Variants in ATF7 observed in about 807,000 individuals in gnomAD.
ATF7 encodes the protein activating transcription factor 7.
Under a neutral mutation model 50.4 loss-of-function variants are expected in ATF7, and 10 were observed. The ratio of observed to expected loss-of-function variants is 0.20; its 90% CI spans 0.12 to 0.34. ATF7 has a LOEUF of 0.34. ATF7 is among the 10% of genes least tolerant of loss of function. The pLI is 1.00. For synonymous variants in ATF7, 201 were observed against 226.4 expected (o/e 0.89, Z 1.01); for missense variants, 465 against 613.9 (o/e 0.76, Z 2.56).
chr12:53,524,995 G>A lies in ATF7; in HGVS notation c.928-234C>T, dbSNP rs144618398. On this transcript the variant is annotated intron_variant, in intron 9 of 11. Coordinates refer to ENST00000420353, the MANE Select transcript of ATF7 (RefSeq NM_006856.3). This position sits in a 1 kb window ranked among gnomAD's most constrained non-coding sequence, Gnocchi z 4.6. The stretch of plus-strand genomic sequence containing the variant: ...TACTTAGACAAACTACAGTTCATTT[G>A]GAAACTCTGATTATTTATAAGACAG... The A allele has an allele frequency of 2.9e-5, 13 of 450,450 alleles. No homozygotes were observed. The highest frequency in any genetic ancestry group is 5.1e-5 in the Non-Finnish European group (13 of 255,984). 27.9% of individuals were successfully genotyped at this position (450,450 alleles called of 1,614,324 possible).
At chr12:53,576,639 G>T (rs965647702) in intron 2 of ATF7, among the ~76,000 whole-genome samples, 6 of 152,100 alleles carry the variant, frequency 3.9e-5, no homozygotes, top group Non-Finnish European at 8.8e-5. Context: ...AAATCTGCTG[G>T]CACCTTGATC....
chr12:53,590,446 C>T (rs1332028975), intron 2 of ATF7, among the ~76,000 whole-genome samples: 3 of 152,158 alleles, frequency 2.0e-5, no homozygotes, highest in African/African-American at 7.2e-5. Flanking sequence ...ACTTTATTGT[C>T]CTCAACCTAA....
chr12:53,540,764 A>C (rs1939504455), intron 4 of ATF7, among the ~76,000 whole-genome samples: 1 of 151,814 alleles, frequency 6.6e-6, no homozygotes, highest in African/African-American at 2.4e-5. Flanking sequence ...AAATAAAATA[A>C]ATAAAGACAG....
chr12:53,603,724 T>TAAAA (rs966226042), intron 1 of ATF7, among the ~76,000 whole-genome samples: 1 of 145,080 alleles, frequency 6.9e-6, no homozygotes. Context: ...GTCTCCCCAT[T>TAAAA]AAAAAAAAAA....
At chr12:53,563,690 C>A (rs1447413651) in intron 2 of ATF7, among the ~76,000 whole-genome samples, 1 of 152,242 alleles carries the variant, frequency 6.6e-6, no homozygotes, top group Non-Finnish European at 1.5e-5. Context: ...TCACCTGCCC[C>A]ACCTCTGGGC....
intron 2 of ATF7, chr12:53,600,642 A>G (rs1408569456): frequency 1.4e-5 from 3 of 216,044 alleles, no homozygotes; most frequent in African/African-American, 2.3e-5. Flanking sequence ...TGAAGAGAAA[A>G]CATTTCTAAA....
intron 3 of ATF7, among the ~76,000 whole-genome samples, chr12:53,549,804 T>C (rs914327261): frequency 6.6e-6 from 1 of 152,082 alleles, no homozygotes; most frequent in Admixed American, 6.6e-5. Context: ...CAGGCTTGTC[T>C]CGAACTCCTG....
chr12:53,554,120 G>A (rs908637216), intron 2 of ATF7, among the ~76,000 whole-genome samples: 1 of 130,002 alleles, frequency 7.7e-6, no homozygotes, highest in Non-Finnish European at 1.6e-5. Context: ...ATACAAAAAT[G>A]TTTTATTTTT....
chr12:53,512,048 C>T (rs537288850), downstream of ATF7: 2 of 152,228 alleles, frequency 1.3e-5, no homozygotes, highest in Non-Finnish European at 2.9e-5. Flanking sequence ...AAGCATCAGA[C>T]ATAACAGTGG....
At chr12:53,545,832 A>AT (rs1419218179) in intron 3 of ATF7, among the ~76,000 whole-genome samples, 2 of 152,006 alleles carry the variant, frequency 1.3e-5, no homozygotes, top group African/African-American at 4.8e-5. Context: ...AGGCAGGCGG[A>AT]TCCCCCCTTG....
chr12:53,554,875 A>AAG (rs1270911719), intron 2 of ATF7, among the ~76,000 whole-genome samples: 7 of 149,724 alleles, frequency 4.7e-5, no homozygotes, highest in East Asian at 1.9e-4. Context: ...AAAAAGAAAA[A>AAG]AAAAAAAAAA....
intron 3 of ATF7, 43 bp from the exon 4 acceptor site, chr12:53,543,491 G>A: frequency 1.3e-6 from 2 of 1,485,860 alleles, no homozygotes; most frequent in Non-Finnish European, 1.8e-6. Flanking sequence ...GTTTTGATCT[G>A]AAATTAAAAC....
chr12:53,534,428 C>G (rs1365582242), intron 6 of ATF7, 74 bp downstream of exon 6: 23 of 1,589,990 alleles, frequency 1.4e-5, no homozygotes, highest in South Asian at 3.3e-5. Context: ...AAAACAGTCC[C>G]AGTTTTATCA....
intron 2 of ATF7, among the ~76,000 whole-genome samples, chr12:53,585,459 C>T (rs1942634917): frequency 6.6e-6 from 1 of 151,916 alleles, no homozygotes; most frequent in Non-Finnish European, 1.5e-5. Flanking sequence ...ATATGAGAAT[C>T]CTCTGCACTT....
At chr12:53,617,272 CTAGGATTATAGGTGTGA>C (rs1944176098) in intron 1 of ATF7, among the ~76,000 whole-genome samples, 3 of 152,164 alleles carry the variant, frequency 2.0e-5, no homozygotes, top group Non-Finnish European at 4.4e-5. Flanking sequence ...TCCCAAAGTG[CTAGGATTATAGGTGTGA>C]ACTACTGTGC....
At chr12:53,554,887 A>G (rs1341569142) in intron 2 of ATF7, among the ~76,000 whole-genome samples, 8 of 150,810 alleles carry the variant, frequency 5.3e-5, no homozygotes, top group Non-Finnish European at 1.2e-4. Flanking sequence ...AAAAAAAAAA[A>G]AAAAAAAGAC....
At chr12:53,529,536 C>G (rs2137365078) in intron 9 of ATF7, among the ~76,000 whole-genome samples, 1 of 149,316 alleles carries the variant, frequency 6.7e-6, no homozygotes, top group Non-Finnish European at 1.5e-5. Flanking sequence ...ACGGGTTTCA[C>G]CATATTGGTC....
chr12:53,584,029 G>C (rs1270485523), intron 2 of ATF7, among the ~76,000 whole-genome samples: 3 of 152,142 alleles, frequency 2.0e-5, no homozygotes, highest in Non-Finnish European at 4.4e-5. Context: ...ACCCAGGCTG[G>C]AGTACAGTGG....
Position 53,531,839 on chromosome 12 carries a change from C to G in ATF7, c.832G>C (p.Val278Leu), listed in dbSNP as rs763392814. 1.9e-6 allele frequency: 3 copies of G among 1,613,614 alleles called. No homozygotes were observed. Among genetic ancestry groups the G allele is most frequent in the South Asian group, 1.1e-5 (1 of 90,970 alleles). The stretch of plus-strand genomic sequence containing the variant: ...ACCATGGTGCTGGCAGTACCCACCA[C>G]CATTCCACAACCACCATTGATTGAG... The part of the protein sequence containing the change: ...VSSINGGCGM[V>L]VGTASTMVTA... The change falls in exon 9 of 12, where the codon GTG becomes CTG. Residue 278 changes from valine to leucine, a missense_variant. Physicochemically the swap from Val to Leu is conservative, Grantham distance 32. Coordinates refer to ENST00000420353, the MANE Select transcript of ATF7 (RefSeq NM_006856.3).
Sources: allele counts gnomAD v4.1 joint callset (sites outside exome capture counted in the v4.1 genomes callset), GRCh38; gene constraint gnomAD v4.1.1; non-coding constraint Gnocchi (gnomAD v3.1); transcripts MANE v1.5; gene names NCBI Gene and HGNC (gene_info 2026-07-23, HGNC 2026-07-21).